Variants in TRIM2 observed in about 807,000 individuals in gnomAD.
TRIM2 encodes tripartite motif-containing protein 2.
In TRIM2, 20 loss-of-function variants were observed where a neutral mutation model predicts 75.2. The ratio of observed to expected loss-of-function variants is 0.27; its 90% CI spans 0.19 to 0.39. The LOEUF (loss-of-function observed/expected upper bound fraction) is 0.39, where lower values mean the gene tolerates loss of function less well. TRIM2 is among the 10% of genes least tolerant of loss of function. The pLI is 1.00. For synonymous variants in TRIM2, 373 were observed against 388.3 expected, an observed-to-expected ratio of 0.96 and a Z score of 0.46; for missense variants, 660 against 990.8, an observed-to-expected ratio of 0.67 and a Z score of 4.48.
At chr4:153,179,947 G>T (rs1731880607) in intron 1 of TRIM2, among the ~76,000 whole-genome samples, 1 of 152,098 alleles carries the variant, frequency 6.6e-6, no homozygotes, top group Non-Finnish European at 1.5e-5. Flanking sequence ...AATCTATACG[G>T]TTAATTGGCC....
intron 1 of TRIM2, among the ~76,000 whole-genome samples, chr4:153,179,278 TTATTAA>T (rs1170249876): frequency 2.8e-5 from 4 of 145,168 alleles, no homozygotes; most frequent in Non-Finnish European, 5.9e-5. Context: ...TAAAATTAAT[TTATTAA>T]TATTAATACT....
rs538498383 is a variant in TRIM2, at chr4:153,165,069, G to T, written c.-49+11799G>T. On this transcript the variant is annotated intron_variant, in intron 1 of 11. Coordinates refer to the TRIM2 transcript ENST00000437508. ...TTCAAAACGTTCCCGACACTTTATG[G>T]GTTCCACTTCTCCACTCCCTCTGGG... 2.6e-5 allele frequency among the ~76,000 whole-genome samples: 4 copies of T among 152,004 alleles called. No individual in the cohort carries two copies. In the South Asian group the frequency reaches 8.3e-4, roughly 32 times the overall value.
chr4:153,292,023 T>G lies in TRIM2; in HGVS notation c.454-959T>G, dbSNP rs1359757782. On this transcript the variant is annotated intron_variant, in intron 3 of 11. Transcript: ENST00000338700. ...AGACTTCTTATTTGGATAAGTCTCTTAGCCAAACAGTAGCAGTTCTCAAAG... is the reference window on the plus strand; with the variant it reads ...AGACTTCTTATTTGGATAAGTCTCTGAGCCAAACAGTAGCAGTTCTCAAAG... Among the ~76,000 whole-genome samples the G allele has an allele frequency of 3.3e-5, 5 of 152,332 alleles. No individual in the cohort carries two copies. The East Asian group carries it at 7.7e-4, about 23-fold the overall frequency.
upstream of TRIM2, among the ~76,000 whole-genome samples, chr4:153,152,828 G>T (rs995997926): frequency 6.6e-6 from 1 of 152,202 alleles, no homozygotes; most frequent in Non-Finnish European, 1.5e-5. Context: ...AAAGGCGCCT[G>T]CCTCTTGTTT....
In TRIM2 at chr4:153,335,535, C is replaced by G. The variant is rs963087055; in HGVS notation, c.*569C>G. The G allele has an allele frequency of 4.1e-6, 4 of 985,220 alleles. No homozygotes were observed. Among genetic ancestry groups the G allele is most frequent in the South Asian group, 4.7e-5 (1 of 21,290 alleles). 61.0% of individuals were successfully genotyped at this position (985,220 alleles called of 1,614,324 possible). A position where few individuals can be genotyped will look rare whatever the true frequency, so the allele number is the denominator to read the frequency against. ...AAATGATCCCAGCTCTGATTAGCAGCCCTCTGGAGTTCAGAACTTAAGTAT... is the reference window on the plus strand; with the variant it reads ...AAATGATCCCAGCTCTGATTAGCAGGCCTCTGGAGTTCAGAACTTAAGTAT... On this transcript the variant is annotated 3_prime_UTR_variant, in exon 12 of 12. Coordinates refer to ENST00000338700, the MANE Select transcript of TRIM2 (RefSeq NM_015271.5).
At chr4:153,327,803 A>G (rs1206563229) in intron 10 of TRIM2, among the ~76,000 whole-genome samples, 1 of 152,192 alleles carries the variant, frequency 6.6e-6, no homozygotes, top group East Asian at 1.9e-4. Flanking sequence ...TTAGCCCCCT[A>G]CTTCTAACAG....
At chr4:153,185,881 G>T (rs1732545786) in intron 1 of TRIM2, among the ~76,000 whole-genome samples, 1 of 151,784 alleles carries the variant, frequency 6.6e-6, no homozygotes, top group Non-Finnish European at 1.5e-5. Flanking sequence ...AGAAAGACTG[G>T]GTTCAATTAG....
intron 1 of TRIM2, among the ~76,000 whole-genome samples, chr4:153,231,979 T>C (rs576457677): frequency 4.6e-5 from 7 of 152,330 alleles, no homozygotes; most frequent in South Asian, 4.1e-4. Flanking sequence ...GAAATGCTCA[T>C]TGGAGCATTT....
Position 153,273,442 on chromosome 4 carries a change from A to ATTTTTT in TRIM2, c.216-2432_216-2427dup, listed in dbSNP as rs11459214. The stretch of plus-strand genomic sequence containing the variant: ...AGGCGCCCGCCACCACGCCCGGCTA[A>ATTTTTT]TTTTTTTTTTTTTTTTTTTTTTTTG... On this transcript the variant is annotated intron_variant, in intron 2 of 11. Coordinates refer to ENST00000338700, the MANE Select transcript of TRIM2 (RefSeq NM_015271.5). Among the ~76,000 whole-genome samples the ATTTTTT allele has an allele frequency of 1.4e-3, 105 of 77,624 alleles. 3 individuals carry two copies. Among genetic ancestry groups the ATTTTTT allele is most frequent in the African/African-American group, 6.6e-3 (85 of 12,966 alleles). 50.9% of individuals were successfully genotyped at this position (77,624 alleles called of 152,430 possible).
intron 3 of TRIM2, among the ~76,000 whole-genome samples, chr4:153,281,032 G>A (rs116169471): frequency 0.011 from 1,640 of 152,150 alleles, 14 homozygotes; most frequent in African/African-American, 0.013. Flanking sequence ...AAAAATATGA[G>A]CATCATAAAA....
chr4:153,210,058 ATTTTTT>A lies in TRIM2; in HGVS notation c.30+5517_30+5522del, dbSNP rs761134144. Among the ~76,000 whole-genome samples the A allele has an allele frequency of 9.0e-3, 968 of 107,024 alleles. 9 individuals carry two copies. Among genetic ancestry groups the A allele is most frequent in the African/African-American group, 0.037 (920 of 24,794 alleles). The allele number at this position is 107,024 out of a possible 152,430, so 70.2% of individuals were successfully genotyped here. ...CCTAGTTGCCACATTGGGTGATTTAATTTTTTTTTTTTTTTTTTTTTTTTGAGATGG... is the reference window on the plus strand; with the variant it reads ...CCTAGTTGCCACATTGGGTGATTTAATTTTTTTTTTTTTTTTTTGAGATGG... On this transcript the variant is annotated intron_variant, in intron 1 of 11. Coordinates refer to ENST00000338700, the MANE Select transcript of TRIM2 (RefSeq NM_015271.5).
chr4:153,173,659 G>A (rs1216991763), intron 1 of TRIM2, among the ~76,000 whole-genome samples: 2 of 145,914 alleles, frequency 1.4e-5, no homozygotes, highest in African/African-American at 2.6e-5. Flanking sequence ...GCAAAACTCC[G>A]TCTCAAAATA....
In TRIM2 at chr4:153,337,075, T is replaced by C; in HGVS notation, c.*2109T>C. 1 of 985,372 alleles carries C rather than the reference T, an allele frequency of 1.0e-6. No individual in the cohort carries two copies. Among genetic ancestry groups the C allele is most frequent in the Non-Finnish European group, 1.2e-6 (1 of 829,884 alleles). The allele number at this position is 985,372 out of a possible 1,614,324, so 61.0% of individuals were successfully genotyped here. ...ATCGCTGCCCCCTCAGAGCTGACAT[T>C]CTGGGGTGGGAATTTCATTTTGCCA... On this transcript the variant is annotated 3_prime_UTR_variant, in exon 12 of 12. Transcript: ENST00000338700.
intron 10 of TRIM2, among the ~76,000 whole-genome samples, chr4:153,326,180 C>A (rs948032500): frequency 3.3e-5 from 5 of 152,118 alleles, no homozygotes; most frequent in Non-Finnish European, 7.3e-5. Flanking sequence ...ACTTCTGCCT[C>A]TTAATTTGTT....
intron 3 of TRIM2, among the ~76,000 whole-genome samples, chr4:153,277,675 G>T (rs570645506): frequency 7.2e-5 from 11 of 152,262 alleles, no homozygotes; most frequent in South Asian, 2.1e-4. Context: ...AAGCTTGCTG[G>T]GCACATTGTA....
At position 153,331,917 on chromosome 4, in the gene TRIM2, T is replaced by C. The variant is rs1771562377; in HGVS notation, c.2164-2897T>C. Reference sequence around the variant, plus strand: ...GAGGAATGATGGCCTTTTCAACAAATGGGACTGGAACAACTAAGACCACCA... The same window carrying C: ...GAGGAATGATGGCCTTTTCAACAAACGGGACTGGAACAACTAAGACCACCA... On this transcript the variant is annotated intron_variant, in intron 11 of 11. Coordinates refer to ENST00000338700, the MANE Select transcript of TRIM2 (RefSeq NM_015271.5). Among the ~76,000 whole-genome samples the C allele has an allele frequency of 3.3e-5, 5 of 152,066 alleles. No individual in the cohort carries two copies. In the South Asian group the frequency reaches 1.0e-3, roughly 32 times the overall value.
chr4:153,311,305 C>T (rs1766235580), intron 6 of TRIM2, among the ~76,000 whole-genome samples: 1 of 152,176 alleles, frequency 6.6e-6, no homozygotes, highest in Admixed American at 6.5e-5. Context: ...CTCTTTTTGA[C>T]TAAGACACCT....
chr4:153,316,666 C>A lies in TRIM2; in HGVS notation c.1782+667C>A, dbSNP rs533128279. ...ATTGTTTGATATATTTGCTATCATTCCCAGCGTCAGCTTTTTGCAAATAAA... is the reference window on the plus strand; with the variant it reads ...ATTGTTTGATATATTTGCTATCATTACCAGCGTCAGCTTTTTGCAAATAAA... On this transcript the variant is annotated intron_variant, in intron 8 of 11. Coordinates refer to ENST00000338700, the MANE Select transcript of TRIM2 (RefSeq NM_015271.5). Among the ~76,000 whole-genome samples the A allele has an allele frequency of 6.6e-5, 10 of 152,254 alleles. No homozygotes were observed. The East Asian group carries it at 1.9e-3, about 29-fold the overall frequency.
intron 10 of TRIM2, 72 bp downstream of exon 10, chr4:153,324,220 T>A: frequency 1.5e-6 from 2 of 1,330,506 alleles, no homozygotes; most frequent in Non-Finnish European, 2.1e-6. Context: ...GAGAAAATAA[T>A]GCAATACTTA....
Sources: gnomAD v4.1 joint callset for allele counts (sites outside exome capture counted in the v4.1 genomes callset) on GRCh38, gnomAD v4.1.1 for gene constraint, MANE v1.5 for transcripts, NCBI Gene and HGNC (gene_info 2026-07-23, HGNC 2026-07-21) for gene names.